The following ME3 variants were observed in gnomAD, a reference collection of about 807,000 sequenced individuals.
The protein encoded by ME3 is malic enzyme 3.
A neutral mutation model predicts 68.9 loss-of-function variants in ME3; 48 were observed. The observed-to-expected ratio is 0.70, with a 90% CI of 0.55 to 0.89. The LOEUF is 0.89. ME3 is among the 40% of genes least tolerant of loss of function. The probability of loss-of-function intolerance (pLI) is 0.00; values close to 1 mark genes in which losing one functional copy is unlikely to be tolerated. For missense variants in ME3, 675 were observed against 797.4 expected (o/e 0.85, Z 1.85); for synonymous variants, 320 against 318.8 (o/e 1.00, Z -0.04).
intron 4 of ME3, among the ~76,000 whole-genome samples, chr11:86,555,611 G>T (rs1220742449): frequency 6.6e-6 from 1 of 152,208 alleles, no homozygotes; most frequent in East Asian, 1.9e-4. Flanking sequence ...AACGGTAACA[G>T]TGGGATCCGG....
intron 8 of ME3, chr11:86,457,739 T>C: frequency 7.8e-7 from 1 of 1,286,904 alleles, no homozygotes; most frequent in East Asian, 5.6e-5. Context: ...CATGGGCAGC[T>C]GAAAGTGTGG....
At chr11:86,485,564 C>T (rs889029564) in intron 7 of ME3, among the ~76,000 whole-genome samples, 1 of 152,186 alleles carries the variant, frequency 6.6e-6, no homozygotes, top group Non-Finnish European at 1.5e-5. Context: ...CACCTCCTTT[C>T]TTTCCAGCTT....
chr11:86,664,189 G>T (rs1158258342), intron 2 of ME3, among the ~76,000 whole-genome samples: 1 of 152,078 alleles, frequency 6.6e-6, no homozygotes, highest in East Asian at 1.9e-4. Flanking sequence ...AAATTGAAAA[G>T]AAAATGGAAC....
chr11:86,476,679 T>C (rs1951097872), intron 7 of ME3, among the ~76,000 whole-genome samples: 1 of 151,644 alleles, frequency 6.6e-6, no homozygotes, highest in Admixed American at 6.6e-5. Flanking sequence ...TATGTACACA[T>C]GAATCTACAC....
intron 2 of ME3, among the ~76,000 whole-genome samples, chr11:86,628,380 G>A (rs951625472): frequency 1.3e-5 from 2 of 152,200 alleles, no homozygotes; most frequent in African/African-American, 4.8e-5. Context: ...CCCCTTCTAA[G>A]ATGCTATTTC....
chr11:86,465,669 C>T (rs554965083), intron 7 of ME3, among the ~76,000 whole-genome samples: 79 of 152,216 alleles, frequency 5.2e-4, no homozygotes, highest in African/African-American at 1.9e-3. Context: ...CTTGCTGGAC[C>T]CTGAGGCCTG....
chr11:86,631,608 A>C (rs1352108358), intron 2 of ME3, among the ~76,000 whole-genome samples: 1 of 152,178 alleles, frequency 6.6e-6, no homozygotes, highest in East Asian at 1.9e-4. Flanking sequence ...TCCTCAGGTA[A>C]TTCTGATGCA....
In ME3 at chr11:86,560,748, G is replaced by GTGTATGTGTATATATATA. The variant is rs1243025217; in HGVS notation, c.184-926_184-925insTATATATATACACATACA. Among the ~76,000 whole-genome samples the GTGTATGTGTATATATATA allele has an allele frequency of 6.7e-4, 42 of 62,506 alleles. 1 individual carries two copies. The highest frequency in any genetic ancestry group is 2.4e-3 in the South Asian group (3 of 1,268). The allele number at this position is 62,506 out of a possible 152,430, so 41.0% of individuals were successfully genotyped here. A position where few individuals can be genotyped will look rare whatever the true frequency, so the allele number is the denominator to read the frequency against. On this transcript the variant is annotated intron_variant, in intron 2 of 14. Transcript: ENST00000543262. Reference sequence around the variant, plus strand: ...TGTATGTGTGTGTGTGTGTGTGTGTGTATATATATATATATATATATATAT... The same window carrying GTGTATGTGTATATATATA: ...TGTATGTGTGTGTGTGTGTGTGTGTGTGTATGTGTATATATATATATATATATATATATATATATATAT...
At chr11:86,476,348 CAG>C (rs1219556299) in intron 7 of ME3, among the ~76,000 whole-genome samples, 2 of 152,164 alleles carry the variant, frequency 1.3e-5, no homozygotes, top group African/African-American at 2.4e-5. Context: ...GCGGCAGGAA[CAG>C]GGGTGGGAGT....
intron 2 of ME3, among the ~76,000 whole-genome samples, chr11:86,581,863 G>A (rs1304594091): frequency 6.6e-6 from 1 of 152,124 alleles, no homozygotes; most frequent in South Asian, 2.1e-4. Flanking sequence ...CTCCTGAATA[G>A]TTCTAATTTC....
chr11:86,457,890 T>C, intron 8 of ME3: 1 of 1,025,158 alleles, frequency 9.8e-7, no homozygotes, highest in African/African-American at 1.7e-5. Context: ...AAAATGTAGT[T>C]TCTGCTTTTA....
At chr11:86,541,258 AC>A in intron 4 of ME3, among the ~76,000 whole-genome samples, 1 of 151,002 alleles carries the variant, frequency 6.6e-6, no homozygotes, top group African/African-American at 2.4e-5. Flanking sequence ...TTTTTTTCAT[AC>A]CCCAGTGGTG....
intron 5 of ME3, among the ~76,000 whole-genome samples, chr11:86,503,415 C>T (rs1006685185): frequency 1.3e-5 from 2 of 152,198 alleles, no homozygotes; most frequent in African/African-American, 4.8e-5. Context: ...CAAGGGCAGC[C>T]CCATATAGGA....
At chr11:86,478,120 A>G (rs1037261328) in intron 7 of ME3, among the ~76,000 whole-genome samples, 1 of 152,040 alleles carries the variant, frequency 6.6e-6, no homozygotes, top group Non-Finnish European at 1.5e-5. Context: ...CCACCCACCA[A>G]TCAACCAACT....
At chr11:86,563,637 G>A (rs1173373811) in intron 2 of ME3, among the ~76,000 whole-genome samples, 2 of 152,066 alleles carry the variant, frequency 1.3e-5, no homozygotes, top group East Asian at 1.9e-4. Context: ...ATGGTAAAAC[G>A]AAGAGGTCCA....
At chr11:86,498,651 G>T (rs1387369179) in intron 5 of ME3, among the ~76,000 whole-genome samples, 1 of 152,198 alleles carries the variant, frequency 6.6e-6, no homozygotes, top group Non-Finnish European at 1.5e-5. Flanking sequence ...TATTGCATAT[G>T]AAATCAGGAA....
chr11:86,671,970 G>T lies in ME3; in HGVS notation c.-14-12C>A. On this transcript the variant is annotated splice_polypyrimidine_tract_variant and intron_variant, in intron 1 of 14. Coordinates refer to ENST00000543262, the Ensembl canonical transcript of ME3. ...GGTCCTTGGCAGACCTGGCACGGGA[G>T]AGAAAGCAAGGTCAGGGCCTCCTTC... The T allele has an allele frequency of 7.2e-7, 1 of 1,386,314 alleles. No individual in the cohort carries two copies. The highest frequency in any genetic ancestry group is 9.3e-7 in the Non-Finnish European group (1 of 1,077,414). 85.9% of individuals were successfully genotyped at this position (1,386,314 alleles called of 1,614,324 possible).
At chr11:86,457,868 A>C in intron 8 of ME3, 1 of 1,105,824 alleles carries the variant, frequency 9.0e-7, no homozygotes, top group Non-Finnish European at 1.2e-6. Flanking sequence ...AATAGCACAA[A>C]AGGACATGCT....
intron 2 of ME3, among the ~76,000 whole-genome samples, chr11:86,657,374 A>G (rs1421363551): frequency 1.3e-5 from 2 of 151,886 alleles, no homozygotes; most frequent in South Asian, 4.2e-4. Context: ...AGGAACAGCA[A>G]ACCAAACACC....
Sources: gnomAD v4.1 joint callset for allele counts (sites outside exome capture counted in the v4.1 genomes callset) on GRCh38, gnomAD v4.1.1 for gene constraint, MANE v1.5 for transcripts, NCBI Gene and HGNC (gene_info 2026-07-23, HGNC 2026-07-21) for gene names.